TMTC1: variants seen among roughly 807,000 people sequenced by gnomAD.
TMTC1 encodes the protein transmembrane O-mannosyltransferase targeting cadherins 1.
In TMTC1, 73 loss-of-function variants were observed where a neutral mutation model predicts 104.8. The ratio of observed to expected loss-of-function variants is 0.70; its 90% CI spans 0.58 to 0.85. TMTC1 has a LOEUF of 0.85. TMTC1 is among the 40% of genes least tolerant of loss of function. The pLI, the probability that TMTC1 is intolerant of heterozygous loss-of-function variation, is 0.00. For synonymous variants in TMTC1, 434 were observed against 428.7 expected, an observed-to-expected ratio of 1.01 and a Z score of -0.15; for missense variants, 1,035 against 1,096.1, an observed-to-expected ratio of 0.94 and a Z score of 0.79.
chr12:29,536,323 GATA>G lies in TMTC1; in HGVS notation c.1677-9_1677-7del, dbSNP rs1944641994. 1 of 1,562,838 alleles carries G rather than the reference GATA, an allele frequency of 6.4e-7. No individual in the cohort carries two copies. Among genetic ancestry groups the G allele is most frequent in the Non-Finnish European group, 8.8e-7 (1 of 1,138,192 alleles). Reference sequence around the variant, plus strand: ...CTTCCTTTTTCTCCTGGGACCTATAGATAATAATGAAGGGGTGGGGGAGAACAT... The same window carrying G: ...CTTCCTTTTTCTCCTGGGACCTATAGATAATGAAGGGGTGGGGGAGAACAT... On this transcript the variant is annotated splice_polypyrimidine_tract_variant and splice_region_variant and intron_variant, in intron 10 of 17. Transcript: ENST00000539277.
At chr12:29,662,905 A>G (rs1940101669) in intron 5 of TMTC1, among the ~76,000 whole-genome samples, 1 of 152,164 alleles carries the variant, frequency 6.6e-6, no homozygotes. Context: ...GCTTTTAGCA[A>G]GCTCTGGACT....
intron 6 of TMTC1, among the ~76,000 whole-genome samples, chr12:29,607,414 C>G (rs1946732226): frequency 6.6e-6 from 1 of 152,118 alleles, no homozygotes. Flanking sequence ...AGAAGGGGAG[C>G]AGGCAGAGAG....
Position 29,695,793 on chromosome 12 carries a change from T to TATATATATATATATA in TMTC1, c.938+55872_938+55873insTATATATATATATAT, listed in dbSNP as rs1555188366. Among the ~76,000 whole-genome samples, 164 of 83,630 alleles carry TATATATATATATATA rather than the reference T, an allele frequency of 2.0e-3. 1 individual carries two copies. Among genetic ancestry groups the TATATATATATATATA allele is most frequent in the Non-Finnish European group, 2.3e-3 (85 of 37,098 alleles). The allele number at this position is 83,630 out of a possible 152,430, so 54.9% of individuals were successfully genotyped here. A position where few individuals can be genotyped will look rare whatever the true frequency, so the allele number is the denominator to read the frequency against. On this transcript the variant is annotated intron_variant, in intron 5 of 17. Coordinates refer to ENST00000539277, the MANE Select transcript of TMTC1 (RefSeq NM_001193451.2). The stretch of plus-strand genomic sequence containing the variant: ...TCACAAATTTTAAACTACTTCCTTT[T>TATATATATATATATA]TATATATATATATATATATATATAT...
At chr12:29,616,186 A>C (rs1265474009) in intron 6 of TMTC1, among the ~76,000 whole-genome samples, 1 of 152,238 alleles carries the variant, frequency 6.6e-6, no homozygotes, top group Non-Finnish European at 1.5e-5. Context: ...TATTTAGAGT[A>C]ACCTTACTTA....
rs775555872 is a variant in TMTC1, at chr12:29,633,276, G to A, written c.999C>T (p.Thr333=). The change falls in exon 6 of 18, where the codon ACC becomes ACT. Residue 333 remains threonine (T), a synonymous_variant. Transcript: ENST00000539277. ...FNVWLLLAPV[T]LCYDWQVGSI... The stretch of plus-strand genomic sequence containing the variant: ...TGCCGACCTGCCAGTCATAGCACAG[G>A]GTCACGGGTGCAAGCAGAAGCCACA... 1 of 1,613,910 alleles carries A rather than the reference G, an allele frequency of 6.2e-7. No homozygotes were observed. The highest frequency in any genetic ancestry group is 8.5e-7 in the Non-Finnish European group (1 of 1,179,938).
chr12:29,733,699 G>T (rs1942602079), intron 5 of TMTC1, among the ~76,000 whole-genome samples: 1 of 152,092 alleles, frequency 6.6e-6, no homozygotes, highest in Non-Finnish European at 1.5e-5. Flanking sequence ...TTGCAGTCAG[G>T]TTGGCTTTAT....
chr12:29,553,053 T>A (rs1945147291), intron 10 of TMTC1, among the ~76,000 whole-genome samples: 1 of 152,242 alleles, frequency 6.6e-6, no homozygotes, highest in Non-Finnish European at 1.5e-5. Flanking sequence ...AAATCAAATT[T>A]GCTGTTTCTT....
intron 9 of TMTC1, among the ~76,000 whole-genome samples, chr12:29,569,754 T>C (rs940932192): frequency 6.6e-6 from 1 of 152,218 alleles, no homozygotes; most frequent in African/African-American, 2.4e-5. Flanking sequence ...AAAAATGATA[T>C]TTTTAACCAG....
intron 5 of TMTC1, among the ~76,000 whole-genome samples, chr12:29,723,646 A>G (rs1045350645): frequency 4.6e-5 from 7 of 152,106 alleles, no homozygotes; most frequent in African/African-American, 1.7e-4. Flanking sequence ...CAGGAGTTCA[A>G]GACTACAGTG....
At chr12:29,660,183 T>A (rs1489989418) in intron 5 of TMTC1, among the ~76,000 whole-genome samples, 1 of 152,082 alleles carries the variant, frequency 6.6e-6, no homozygotes, top group African/African-American at 2.4e-5. Context: ...CTTTGGGAGG[T>A]GCAGCAACTT....
intron 5 of TMTC1, chr12:29,661,234 C>T (rs1267657970): frequency 2.4e-6 from 1 of 410,306 alleles, no homozygotes; most frequent in African/African-American, 2.2e-5. Flanking sequence ...CATCGAATCC[C>T]AAATAACCCA....
chr12:29,698,220 G>A (rs1277855148), intron 5 of TMTC1, among the ~76,000 whole-genome samples: 1 of 152,142 alleles, frequency 6.6e-6, no homozygotes, highest in Non-Finnish European at 1.5e-5. Flanking sequence ...ACCAGGTATT[G>A]TCCTCTCCCA....
intron 5 of TMTC1, among the ~76,000 whole-genome samples, chr12:29,642,358 T>G (rs1032750576): frequency 3.3e-5 from 5 of 152,104 alleles, no homozygotes; most frequent in African/African-American, 4.8e-5. Context: ...CCAGGTAACC[T>G]TTAAGGAAAA....
At chr12:29,712,863 T>G (rs1591962760) in intron 5 of TMTC1, among the ~76,000 whole-genome samples, 1 of 152,216 alleles carries the variant, frequency 6.6e-6, no homozygotes, top group Admixed American at 6.5e-5. Context: ...TGGTCTACCT[T>G]CAACTTGAAT....
chr12:29,767,110 TG>T (rs1302071565), intron 2 of TMTC1, among the ~76,000 whole-genome samples: 1 of 151,936 alleles, frequency 6.6e-6, no homozygotes, highest in Non-Finnish European at 1.5e-5. Context: ...CCACTGCACC[TG>T]GCTAAGTTTT....
chr12:29,732,432 A>G (rs1942568179), intron 5 of TMTC1, among the ~76,000 whole-genome samples: 1 of 152,226 alleles, frequency 6.6e-6, no homozygotes, highest in Admixed American at 6.5e-5. Context: ...AGATGAGGAT[A>G]ATCAGATGGG....
chr12:29,517,445 C>T lies in TMTC1; in HGVS notation c.2151G>A (p.Arg717=). 3.7e-6 allele frequency: 6 copies of T among 1,614,078 alleles called. No homozygotes were observed. The highest frequency in any genetic ancestry group is 5.1e-6 in the Non-Finnish European group (6 of 1,180,016). ...TACTCACCAGTGCCAAGCGGAGCTCCCTCTGAGAAGGCTGAAGTGCTGCAG... is the reference window on the plus strand; with the variant it reads ...TACTCACCAGTGCCAAGCGGAGCTCTCTCTGAGAAGGCTGAAGTGCTGCAG... The part of the protein sequence containing the change: ...QEAAALQPSQ[R]ELRLALAQVL... The change falls in exon 14 of 18, where the codon AGG becomes AGA. Residue 717 remains arginine (R), a synonymous_variant. Coordinates refer to ENST00000539277, the MANE Select transcript of TMTC1 (RefSeq NM_001193451.2).
chr12:29,765,024 C>T (rs989361713), intron 2 of TMTC1, among the ~76,000 whole-genome samples: 4 of 152,094 alleles, frequency 2.6e-5, no homozygotes, highest in African/African-American at 9.7e-5. Flanking sequence ...GCACAGATTT[C>T]CAATTGTACA....
chr12:29,712,492 T>C (rs1941956928), intron 5 of TMTC1, among the ~76,000 whole-genome samples: 1 of 152,220 alleles, frequency 6.6e-6, no homozygotes, highest in South Asian at 2.1e-4. Flanking sequence ...AATTTATTAA[T>C]GCATTAAAAT....
Sources: allele counts gnomAD v4.1 joint callset (sites outside exome capture counted in the v4.1 genomes callset), GRCh38; gene constraint gnomAD v4.1.1; transcripts MANE v1.5; gene names NCBI Gene and HGNC (gene_info 2026-07-23, HGNC 2026-07-21).